The following CDH20 variants were observed in gnomAD, a reference collection of about 807,000 sequenced individuals.
The protein encoded by CDH20 is cadherin 20, also known as cadherin-20.
In CDH20, 29 loss-of-function variants were observed where a neutral mutation model predicts 74.2. That is an observed-to-expected ratio of 0.39 (90% confidence interval 0.29 to 0.53). The LOEUF (loss-of-function observed/expected upper bound fraction) is 0.53, where lower values mean the gene tolerates loss of function less well. Ranked by LOEUF, CDH20 falls within the 20% of genes least tolerant of loss-of-function variation. The pLI is 0.69. For missense variants in CDH20, 988 were observed against 1,048.3 expected (o/e 0.94, Z 0.79); for synonymous variants, 469 against 405.4 (o/e 1.16, Z -1.88).
chr18:61,419,160 C>A (rs1912794934), intron 1 of CDH20, among the ~76,000 whole-genome samples: 2 of 152,086 alleles, frequency 1.3e-5, no homozygotes, highest in South Asian at 4.2e-4. Context: ...AACACCTGAG[C>A]TCAAGTGATC....
At chr18:61,417,577 C>CCAAAAAAAAA (rs1362637528) in intron 1 of CDH20, among the ~76,000 whole-genome samples, 5 of 6,214 alleles carry the variant, frequency 8.0e-4, no homozygotes, top group Admixed American at 5.7e-3. Flanking sequence ...GATGTGGGAG[C>CCAAAAAAAAA]TAAAAAAAAA....
At chr18:61,352,541 C>G (rs1365381145) in intron 1 of CDH20, among the ~76,000 whole-genome samples, 1 of 152,158 alleles carries the variant, frequency 6.6e-6, no homozygotes. Flanking sequence ...CATTCAGTAC[C>G]TGGATCACCG....
chr18:61,354,208 G>C (rs564883895), intron 1 of CDH20, among the ~76,000 whole-genome samples: 1 of 152,290 alleles, frequency 6.6e-6, no homozygotes, highest in Non-Finnish European at 1.5e-5. Flanking sequence ...CTCTTAGTGA[G>C]TGCTGGTCTC....
At chr18:61,447,163 C>T (rs1909228806) in intron 1 of CDH20, among the ~76,000 whole-genome samples, 1 of 152,150 alleles carries the variant, frequency 6.6e-6, no homozygotes, top group South Asian at 2.1e-4. Flanking sequence ...GAGAGAGAAA[C>T]ACGAACGTTT....
chr18:61,437,852 G>C (rs1226870355), intron 1 of CDH20, among the ~76,000 whole-genome samples: 2 of 151,258 alleles, frequency 1.3e-5, no homozygotes, highest in African/African-American at 4.9e-5. Flanking sequence ...TTTCCCCCAT[G>C]TGAATTTTCT....
intron 1 of CDH20, among the ~76,000 whole-genome samples, chr18:61,486,195 C>T (rs1191196826): frequency 2.6e-5 from 4 of 152,008 alleles, no homozygotes. Context: ...GAACTGTGTC[C>T]CCTTTCAGCA....
chr18:61,459,276 T>C (rs1187559309), intron 1 of CDH20, among the ~76,000 whole-genome samples: 1 of 152,188 alleles, frequency 6.6e-6, no homozygotes, highest in East Asian at 1.9e-4. Context: ...GGGATATAGG[T>C]TCAATGTAGA....
intron 1 of CDH20, among the ~76,000 whole-genome samples, chr18:61,377,625 T>G (rs1350775555): frequency 6.6e-6 from 1 of 152,156 alleles, no homozygotes; most frequent in Non-Finnish European, 1.5e-5. Flanking sequence ...TTTTTAAATA[T>G]TTTACAACCA....
intron 1 of CDH20, among the ~76,000 whole-genome samples, chr18:61,424,223 A>T (rs1568133788): frequency 2.0e-5 from 3 of 152,250 alleles, no homozygotes; most frequent in Non-Finnish European, 4.4e-5. Context: ...TGTTGGAAAC[A>T]TTTCAAGTCC....
chr18:61,480,705 T>C (rs1298520498), intron 1 of CDH20, among the ~76,000 whole-genome samples: 1 of 152,240 alleles, frequency 6.6e-6, no homozygotes, highest in Non-Finnish European at 1.5e-5. Context: ...CGAAGATTTA[T>C]TTTCCTTTCA....
At chr18:61,411,894 G>A (rs2144250545) in intron 1 of CDH20, among the ~76,000 whole-genome samples, 1 of 152,086 alleles carries the variant, frequency 6.6e-6, no homozygotes, top group South Asian at 2.1e-4. Context: ...ACAAACTGGG[G>A]TCAGTGTATA....
At chr18:61,459,859 T>C (rs1909709223) in intron 1 of CDH20, among the ~76,000 whole-genome samples, 1 of 152,210 alleles carries the variant, frequency 6.6e-6, no homozygotes, top group Admixed American at 6.5e-5. Flanking sequence ...AGAATGGTGC[T>C]ATACTGACAA....
chr18:61,550,208 G>C lies in CDH20; in HGVS notation c.1879G>C (p.Ala627Pro), dbSNP rs542150773. 6.2e-7 allele frequency: 1 copy of C among 1,613,670 alleles called. No homozygotes were observed. The highest frequency in any genetic ancestry group is 2.2e-5 in the East Asian group (1 of 44,876). Residue 627 changes from alanine to proline, a missense_variant, in exon 11 of 12, where the codon GCC (alanine) becomes CCC (proline). By Grantham distance (27) the Ala-to-Pro change is conservative. Transcript: ENST00000262717. ...CCGGGGCGCCCTCATTGCCATCCTC[G>C]CCTGCATCTTTGTCCTCTTAGGTGA... ...LSRGALIAIL[A>P]CIFVLLVLVL...
chr18:61,411,151 A>AT (rs1194179687), intron 1 of CDH20, among the ~76,000 whole-genome samples: 4 of 151,778 alleles, frequency 2.6e-5, no homozygotes, highest in Non-Finnish European at 5.9e-5. Context: ...GTGAGCCGAG[A>AT]TACGCCACTG....
intron 1 of CDH20, among the ~76,000 whole-genome samples, chr18:61,452,393 G>T (rs1296623319): frequency 1.3e-5 from 2 of 152,098 alleles, no homozygotes; most frequent in African/African-American, 2.4e-5. Context: ...ATAATGGCTG[G>T]ATCGTTCTAC....
intron 8 of CDH20, among the ~76,000 whole-genome samples, chr18:61,538,103 G>A (rs562781597): frequency 1.3e-5 from 2 of 152,238 alleles, no homozygotes; most frequent in South Asian, 4.1e-4. Flanking sequence ...ATATGGATTT[G>A]GTGTGTGTTT....
chr18:61,527,849 C>T (rs1436555561), intron 6 of CDH20, 118 bp from the exon 7 acceptor site: 1 of 933,584 alleles, frequency 1.1e-6, no homozygotes, highest in Non-Finnish European at 1.7e-6. Context: ...CTTTTTCCCA[C>T]TTAATGAATT....
intron 1 of CDH20, among the ~76,000 whole-genome samples, chr18:61,415,537 TGTTCACTCATCTTTTCTTGA>T (rs1168022184): frequency 5.3e-5 from 8 of 152,282 alleles, no homozygotes; most frequent in African/African-American, 1.7e-4. Context: ...AGAAATGTAT[TGTTCACTCATCTTTTCTTGA>T]GTTGGAGAAA....
rs180775730 is a variant in CDH20, at chr18:61,528,600, G to C, written c.1271+380G>C. 3.6e-3 allele frequency among the ~76,000 whole-genome samples: 544 copies of C among 152,132 alleles called. 1 individual carries two copies. Among genetic ancestry groups the C allele is most frequent in the African/African-American group, 0.012 (518 of 41,460 alleles). Reference sequence around the variant, plus strand: ...AGCAGCATCTCTGGCCTTTACGCACGAAATGCAGTAGCACTCTCTGAGTTG... The same window carrying C: ...AGCAGCATCTCTGGCCTTTACGCACCAAATGCAGTAGCACTCTCTGAGTTG... On this transcript the variant is annotated intron_variant, in intron 7 of 11. Transcript: ENST00000262717.
Sources: allele counts gnomAD v4.1 joint callset (sites outside exome capture counted in the v4.1 genomes callset), GRCh38; gene constraint gnomAD v4.1.1; transcripts MANE v1.5; gene names NCBI Gene and HGNC (gene_info 2026-07-23, HGNC 2026-07-21).